ZNF385D: variants seen among roughly 807,000 people sequenced by gnomAD.
The protein encoded by ZNF385D is zinc finger protein 385D, also known as zinc finger protein 659.
ZNF385D carries 15 observed loss-of-function variants against 35.8 expected under a neutral mutation model. The observed-to-expected ratio is 0.42, with a 90% CI of 0.28 to 0.64. ZNF385D has a LOEUF of 0.64. Ranked by LOEUF, ZNF385D falls within the 30% of genes least tolerant of loss-of-function variation. The pLI is 0.23. For missense variants in ZNF385D, 474 were observed against 494.6 expected (o/e 0.96, Z 0.39); for synonymous variants, 212 against 186.8 (o/e 1.13, Z -1.10).
chr3:21,638,637 T>A (rs1476085286), intron 2 of ZNF385D, among the ~76,000 whole-genome samples: 3 of 152,106 alleles, frequency 2.0e-5, no homozygotes, highest in African/African-American at 7.2e-5. Context: ...CTATAAAACT[T>A]GGGAGACTAA....
At chr3:22,080,768 G>A (rs773085966) in intron 3 of ZNF385D, among the ~76,000 whole-genome samples, 1 of 152,068 alleles carries the variant, frequency 6.6e-6, no homozygotes, top group Admixed American at 6.6e-5. Flanking sequence ...ATTAGATTAT[G>A]AGGGTGGTGT....
chr3:21,712,252 A>G (rs1054442616), intron 1 of ZNF385D, among the ~76,000 whole-genome samples: 2 of 152,122 alleles, frequency 1.3e-5, no homozygotes, highest in Admixed American at 1.3e-4. Flanking sequence ...TCTCCATTGT[A>G]CACGTCTACT....
intron 2 of ZNF385D, among the ~76,000 whole-genome samples, chr3:22,256,190 C>T (rs191737764): frequency 6.7e-6 from 1 of 148,402 alleles, no homozygotes; most frequent in Admixed American, 6.8e-5. Flanking sequence ...TATACATATA[C>T]ATACACACAT....
intron 5 of ZNF385D, among the ~76,000 whole-genome samples, chr3:21,435,934 A>G (rs538969939): frequency 1.3e-5 from 2 of 152,320 alleles, no homozygotes; most frequent in South Asian, 2.1e-4. Flanking sequence ...TCTTGAAGTC[A>G]ATACTTGAAT....
At chr3:22,086,161 C>G (rs75389510) in intron 3 of ZNF385D, among the ~76,000 whole-genome samples, 1 of 152,168 alleles carries the variant, frequency 6.6e-6, no homozygotes, top group Non-Finnish European at 1.5e-5. Context: ...GATGCTGTCT[C>G]TCACCACTCC....
intron 2 of ZNF385D, among the ~76,000 whole-genome samples, chr3:22,276,287 C>T (rs1701423321): frequency 6.6e-6 from 1 of 152,112 alleles, no homozygotes; most frequent in African/African-American, 2.4e-5. Flanking sequence ...AAGATTTACT[C>T]TCCTGTAAGT....
At chr3:22,088,904 G>C (rs918436225) in intron 3 of ZNF385D, among the ~76,000 whole-genome samples, 1 of 152,024 alleles carries the variant, frequency 6.6e-6, no homozygotes, top group Admixed American at 6.6e-5. Flanking sequence ...AAGACCGTAA[G>C]GAAGCAGAGA....
chr3:21,443,106 T>A, intron 4 of ZNF385D: 2 of 984,582 alleles, frequency 2.0e-6, no homozygotes, highest in Non-Finnish European at 2.4e-6. Flanking sequence ...TTAAACGGCC[T>A]AGAAATCCCA....
At chr3:21,838,976 G>C (rs1413735208) in intron 3 of ZNF385D, among the ~76,000 whole-genome samples, 2 of 152,042 alleles carry the variant, frequency 1.3e-5, no homozygotes, top group Non-Finnish European at 2.9e-5. Context: ...AGTCTATGAA[G>C]TACTTTCTAT....
At chr3:21,604,372 G>T (rs913148183) in intron 2 of ZNF385D, among the ~76,000 whole-genome samples, 1 of 152,234 alleles carries the variant, frequency 6.6e-6, no homozygotes, top group East Asian at 1.9e-4. Context: ...TTAACAAGGC[G>T]CTGAAAATTT....
intron 3 of ZNF385D, among the ~76,000 whole-genome samples, chr3:21,823,188 G>T (rs367709279): frequency 1.3e-5 from 2 of 152,010 alleles, no homozygotes; most frequent in Non-Finnish European, 2.9e-5. Context: ...AACTTTAAAA[G>T]ACTGTGTAAT....
chr3:21,822,728 A>C (rs1694345803), intron 3 of ZNF385D, among the ~76,000 whole-genome samples: 2 of 152,216 alleles, frequency 1.3e-5, no homozygotes, highest in African/African-American at 4.8e-5. Context: ...GAATACTTAT[A>C]GATTGGAACA....
At chr3:21,750,168 A>G (rs1268800861) in intron 1 of ZNF385D, among the ~76,000 whole-genome samples, 2 of 152,212 alleles carry the variant, frequency 1.3e-5, no homozygotes, top group African/African-American at 4.8e-5. Flanking sequence ...TTAGAGTGCA[A>G]ATGCACAGCT....
chr3:22,166,453 A>G (rs1470700324), intron 3 of ZNF385D, among the ~76,000 whole-genome samples: 2 of 152,228 alleles, frequency 1.3e-5, no homozygotes, highest in African/African-American at 4.8e-5. Context: ...CAGATACTTA[A>G]GTGAGTAAGA....
intron 2 of ZNF385D, among the ~76,000 whole-genome samples, chr3:21,593,429 A>T (rs985125571): frequency 6.6e-6 from 1 of 152,156 alleles, no homozygotes; most frequent in Admixed American, 6.5e-5. Context: ...TGAAATGGAA[A>T]TGGCTCTTAC....
chr3:21,522,858 G>T (rs1023626675), intron 3 of ZNF385D, among the ~76,000 whole-genome samples: 1 of 152,190 alleles, frequency 6.6e-6, no homozygotes, highest in Admixed American at 6.5e-5. Context: ...GCAGGTATAG[G>T]TGAGTTGTGT....
chr3:22,132,901 C>A (rs1255247669), intron 3 of ZNF385D, among the ~76,000 whole-genome samples: 2 of 152,030 alleles, frequency 1.3e-5, no homozygotes, highest in Non-Finnish European at 2.9e-5. Context: ...CCAAGTTATT[C>A]ACTGAGTATT....
At chr3:21,987,619 A>G (rs1244115789) in intron 3 of ZNF385D, among the ~76,000 whole-genome samples, 2 of 134,374 alleles carry the variant, frequency 1.5e-5, no homozygotes, top group Admixed American at 1.4e-4. Flanking sequence ...CTTCATTTCA[A>G]CTTTGGTGAA....
At chr3:22,061,316 C>G (rs1435655417) in intron 3 of ZNF385D, among the ~76,000 whole-genome samples, 3 of 152,176 alleles carry the variant, frequency 2.0e-5, no homozygotes, top group East Asian at 1.9e-4. Flanking sequence ...TATTCATTTA[C>G]TTTTCTTCTG....
Sources: gnomAD v4.1 joint callset for allele counts (sites outside exome capture counted in the v4.1 genomes callset) on GRCh38, gnomAD v4.1.1 for gene constraint, MANE v1.5 for transcripts, NCBI Gene and HGNC (gene_info 2026-07-23, HGNC 2026-07-21) for gene names.